Variants in CELF4 observed in about 807,000 individuals in gnomAD.
CELF4 encodes the protein CUG-BP- and ETR-3-like factor 4.
CELF4 carries 18 observed loss-of-function variants against 59.9 expected under a neutral mutation model. That is an observed-to-expected ratio of 0.30 (90% CI 0.21 to 0.45). The LOEUF is 0.45. Among genes scored for constraint, CELF4 ranks in the 20% least tolerant of loss-of-function variants. CELF4 has a pLI of 1.00. For missense variants in CELF4, 456 were observed against 689.0 expected (o/e 0.66, Z 3.79); for synonymous variants, 261 against 267.1 (o/e 0.98, Z 0.22).
At chr18:37,250,398 C>G (rs1436267480) in intron 12 of CELF4, among the ~76,000 whole-genome samples, 2 of 137,094 alleles carry the variant, frequency 1.5e-5, no homozygotes, top group Non-Finnish European at 3.2e-5. Context: ...CTCCCCACAG[C>G]TGCCCTGCCT....
chr18:37,488,164 T>A (rs2099885482), intron 1 of CELF4, among the ~76,000 whole-genome samples: 1 of 152,172 alleles, frequency 6.6e-6, no homozygotes, highest in Non-Finnish European at 1.5e-5. Flanking sequence ...TCTGCTCAAA[T>A]GAGACCTCCT....
At chr18:37,531,378 T>C (rs1416393984) in intron 1 of CELF4, among the ~76,000 whole-genome samples, 1 of 152,086 alleles carries the variant, frequency 6.6e-6, no homozygotes, top group African/African-American at 2.4e-5. Context: ...CCCAGCTCTT[T>C]CTCGATGCTT....
intron 1 of CELF4, among the ~76,000 whole-genome samples, chr18:37,526,750 C>T (rs1017439973): frequency 2.0e-5 from 3 of 152,204 alleles, no homozygotes; most frequent in African/African-American, 7.2e-5. Context: ...GGGGTCCCTG[C>T]ACTTTCTGGG....
At chr18:37,358,565 G>A (rs1351740600) in intron 2 of CELF4, among the ~76,000 whole-genome samples, 4 of 152,216 alleles carry the variant, frequency 2.6e-5, no homozygotes, top group African/African-American at 7.2e-5. Flanking sequence ...GGCTGGCAGG[G>A]AGGCAGGTAC....
chr18:37,449,047 T>C (rs573546841), intron 2 of CELF4, among the ~76,000 whole-genome samples: 10 of 152,260 alleles, frequency 6.6e-5, no homozygotes, highest in Admixed American at 4.6e-4. Context: ...CAAGAAACAA[T>C]GCCAGGGAGA....
intron 1 of CELF4, among the ~76,000 whole-genome samples, chr18:37,564,499 A>C (rs2099987542): frequency 6.6e-6 from 1 of 152,142 alleles, no homozygotes. Flanking sequence ...ACTCACTGGC[A>C]ATGATCGCTT....
chr18:37,360,841 C>T (rs927670080), intron 2 of CELF4, among the ~76,000 whole-genome samples: 1 of 152,184 alleles, frequency 6.6e-6, no homozygotes, highest in Non-Finnish European at 1.5e-5. Flanking sequence ...AGTTCTAATG[C>T]GTGGAGCTAT....
At chr18:37,312,413 C>T (rs1041629296) in intron 3 of CELF4, among the ~76,000 whole-genome samples, 7 of 152,144 alleles carry the variant, frequency 4.6e-5, no homozygotes, top group Non-Finnish European at 7.3e-5. Context: ...ACGGACTGCC[C>T]GGCCATGCTG....
At chr18:37,292,399 G>A (rs1429048088) in intron 3 of CELF4, among the ~76,000 whole-genome samples, 1 of 152,226 alleles carries the variant, frequency 6.6e-6, no homozygotes, top group East Asian at 1.9e-4. Flanking sequence ...GGGGGCAGAT[G>A]TGAGATGGCT....
At chr18:37,293,832 T>C (rs988747314) in intron 3 of CELF4, among the ~76,000 whole-genome samples, 6 of 152,176 alleles carry the variant, frequency 3.9e-5, no homozygotes, top group Non-Finnish European at 7.4e-5. Context: ...TCCTGGAGAA[T>C]AGATTCAGAG....
intron 6 of CELF4, chr18:37,273,630 T>C (rs1431078007): frequency 3.0e-6 from 3 of 989,120 alleles, no homozygotes; most frequent in Non-Finnish European, 3.6e-6. Context: ...CCTAGTGTTG[T>C]CACAAAGGTG....
At position 37,243,654 on chromosome 18, in the gene CELF4, C is replaced by G. The variant is rs1258455273; in HGVS notation, c.*1588G>C. 1 of 152,258 alleles carries G rather than the reference C, an allele frequency of 6.6e-6. No homozygotes were observed. Among genetic ancestry groups the G allele is most frequent in the Non-Finnish European group, 1.5e-5 (1 of 68,102 alleles). 9.4% of individuals were successfully genotyped at this position (152,258 alleles called of 1,614,324 possible). ...ATATGCAAATTTATTTACAGAAAAA[C>G]AGAGCCGGCATCATTTAAACATCCC... On this transcript the variant is annotated 3_prime_UTR_variant, in exon 13 of 13. Coordinates refer to ENST00000420428, the MANE Select transcript of CELF4 (RefSeq NM_020180.4).
chr18:37,397,922 A>G (rs563816462), intron 2 of CELF4, among the ~76,000 whole-genome samples: 2 of 152,236 alleles, frequency 1.3e-5, no homozygotes, highest in Middle Eastern at 3.4e-3. Context: ...CTTTGTTCCA[A>G]CACAAGGTCA....
chr18:37,564,715 T>C (rs181728094), intron 1 of CELF4, among the ~76,000 whole-genome samples: 2 of 152,032 alleles, frequency 1.3e-5, no homozygotes, highest in Admixed American at 1.3e-4. Flanking sequence ...TTAGGTTTTA[T>C]CACTGGTTCC....
chr18:37,376,067 C>T (rs769478607), intron 2 of CELF4, among the ~76,000 whole-genome samples: 10 of 152,204 alleles, frequency 6.6e-5, no homozygotes, highest in Non-Finnish European at 1.3e-4. Context: ...GGCTCCTGGG[C>T]AGGTTTGTCA....
intron 2 of CELF4, among the ~76,000 whole-genome samples, chr18:37,481,724 C>T (rs1039949385): frequency 1.2e-4 from 19 of 152,216 alleles, no homozygotes; most frequent in African/African-American, 4.3e-4. Context: ...TACTCCCACC[C>T]TACCCATATC....
rs2076594782 is a variant in CELF4 at position 37,264,766 on chromosome 18, C to T, written c.1166-9G>A. The T allele has an allele frequency of 6.4e-7, 1 of 1,565,136 alleles. No individual in the cohort carries two copies. Among genetic ancestry groups the T allele is most frequent in the African/African-American group, 1.4e-5 (1 of 73,760 alleles). ...AGCAGGGTAGGCAGCTGCTGGAGGC[C>T]CAAGACAAGAAGCAAGAGCCGGCGA... On this transcript the variant is annotated splice_polypyrimidine_tract_variant and intron_variant, in intron 9 of 12. Transcript: ENST00000420428.
At chr18:37,298,872 G>A (rs2095836035) in intron 3 of CELF4, among the ~76,000 whole-genome samples, 1 of 152,194 alleles carries the variant, frequency 6.6e-6, no homozygotes, top group African/African-American at 2.4e-5. Context: ...CTAACATGCT[G>A]TAGTCATGGC....
chr18:37,470,887 T>TGTGTGTGAGAGAGAGAGAGAGAGAGAGA (rs1325788685), intron 2 of CELF4, among the ~76,000 whole-genome samples: 2 of 71,926 alleles, frequency 2.8e-5, no homozygotes, highest in Non-Finnish European at 5.4e-5. Context: ...TGTGTGTGTG[T>TGTGTGTGAGAGAGAGAGAGAGAGAGAGA]GACAGAGAGA....
Sources: gnomAD v4.1 joint callset for allele counts (sites outside exome capture counted in the v4.1 genomes callset) on GRCh38, gnomAD v4.1.1 for gene constraint, MANE v1.5 for transcripts, NCBI Gene and HGNC (gene_info 2026-07-23, HGNC 2026-07-21) for gene names.